HDAC9: variants seen among roughly 807,000 people sequenced by gnomAD.
HDAC9 encodes histone deacetylase 9.
A neutral mutation model predicts 139.4 loss-of-function variants in HDAC9; 41 were observed. That is an observed-to-expected ratio of 0.29 (90% CI 0.23 to 0.38). The LOEUF is 0.38. HDAC9 is among the 10% of genes least tolerant of loss of function. The pLI, the probability that HDAC9 is intolerant of heterozygous loss-of-function variation, is 1.00. For synonymous variants in HDAC9, 517 were observed against 476.2 expected (o/e 1.09, Z -1.12); for missense variants, 1,147 against 1,297.0 (o/e 0.88, Z 1.78).
intron 16 of HDAC9, among the ~76,000 whole-genome samples, chr7:18,790,620 C>T (rs975148509): frequency 3.3e-5 from 5 of 152,186 alleles, no homozygotes; most frequent in Non-Finnish European, 7.3e-5. Context: ...GAATTAAGTA[C>T]AATTACCTAT....
intron 21 of HDAC9, among the ~76,000 whole-genome samples, chr7:18,844,101 G>C (rs1796758950): frequency 6.6e-6 from 1 of 152,176 alleles, no homozygotes; most frequent in South Asian, 2.1e-4. Flanking sequence ...ATCAACATCT[G>C]TTTTCGTTTA....
intron 16 of HDAC9, among the ~76,000 whole-genome samples, chr7:18,790,427 T>G (rs56361837): frequency 0.82 from 123,846 of 151,682 alleles, 51,180 homozygotes; most frequent in Non-Finnish European, 0.85. Context: ...ATGTAGCAGA[T>G]GTGGCCATCT....
chr7:18,925,474 C>A (rs1220965704), intron 22 of HDAC9, among the ~76,000 whole-genome samples: 1 of 152,088 alleles, frequency 6.6e-6, no homozygotes, highest in Non-Finnish European at 1.5e-5. Flanking sequence ...CCTTCATTGC[C>A]AGCACAGTTC....
At chr7:18,728,481 T>C (rs867854123) in intron 13 of HDAC9, among the ~76,000 whole-genome samples, 34 of 152,066 alleles carry the variant, frequency 2.2e-4, no homozygotes, top group African/African-American at 7.2e-4. Flanking sequence ...GGAACAGTGC[T>C]GTACATATAT....
intron 6 of HDAC9, among the ~76,000 whole-genome samples, chr7:18,602,302 C>G (rs1834167067): frequency 6.6e-6 from 1 of 151,894 alleles, no homozygotes; most frequent in African/African-American, 2.4e-5. Context: ...GTTATGACCC[C>G]TCTTTCATTT....
intron 14 of HDAC9, among the ~76,000 whole-genome samples, chr7:18,754,538 T>C (rs1261497968): frequency 6.6e-6 from 1 of 152,174 alleles, no homozygotes; most frequent in Non-Finnish European, 1.5e-5. Flanking sequence ...GATTACACAT[T>C]ATGTGGAATT....
At chr7:18,896,921 G>A (rs1048517446) in intron 22 of HDAC9, among the ~76,000 whole-genome samples, 1 of 151,944 alleles carries the variant, frequency 6.6e-6, no homozygotes, top group Admixed American at 6.6e-5. Context: ...ATTTTCCACT[G>A]AGGAAAATTC....
At position 18,704,558 on chromosome 7, in the gene HDAC9, G is replaced by A. The variant is rs530122425; in HGVS notation, c.1732-23022G>A. Among the ~76,000 whole-genome samples the A allele has an allele frequency of 4.6e-5, 7 of 152,240 alleles. No homozygotes were observed. In the South Asian group the frequency reaches 1.5e-3, roughly 32 times the overall value. On this transcript the variant is annotated intron_variant, in intron 12 of 25. Transcript: ENST00000686413. ...AGTCACAAATGGACATTCTCAAATG[G>A]CATTCTCATCTACTTTGACCTTGAT...
intron 23 of HDAC9, chr7:18,949,579 T>G (rs1320124015): frequency 5.1e-6 from 1 of 195,104 alleles, no homozygotes; most frequent in African/African-American, 2.4e-5. Context: ...TTGCTTCTGC[T>G]TCAACGATGT....
intron 1 of HDAC9, among the ~76,000 whole-genome samples, chr7:18,131,290 A>C (rs1022027694): frequency 6.6e-6 from 1 of 152,158 alleles, no homozygotes; most frequent in East Asian, 1.9e-4. Flanking sequence ...TTCAGTGCCC[A>C]ATATTTGTTA....
At chr7:18,835,809 C>T (rs1585126081) in intron 20 of HDAC9, 91 bp from the exon 21 acceptor site, 3 of 998,810 alleles carry the variant, frequency 3.0e-6, no homozygotes, top group Non-Finnish European at 3.0e-6. Flanking sequence ...ATGTTTATTT[C>T]AAGAGCTCCC....
intron 1 of HDAC9, among the ~76,000 whole-genome samples, chr7:18,159,811 A>G (rs948152380): frequency 3.3e-5 from 5 of 152,232 alleles, no homozygotes; most frequent in African/African-American, 1.2e-4. Context: ...GTATTCAGAT[A>G]ACATTTTCAT....
At chr7:18,289,759 T>C (rs1352153523), upstream of HDAC9, among the ~76,000 whole-genome samples, 2 of 152,190 alleles carry the variant, frequency 1.3e-5, no homozygotes, top group Non-Finnish European at 2.9e-5. Flanking sequence ...AGCAAAATCA[T>C]TTTATTTCAT....
At chr7:18,155,756 C>A (rs577695620) in intron 1 of HDAC9, among the ~76,000 whole-genome samples, 10 of 152,272 alleles carry the variant, frequency 6.6e-5, no homozygotes, top group African/African-American at 2.4e-4. Context: ...GTGAAGTCAG[C>A]AAACCTTTGG....
chr7:18,274,881 CAG>C (rs1284316454), intron 2 of HDAC9, among the ~76,000 whole-genome samples: 1 of 152,200 alleles, frequency 6.6e-6, no homozygotes, highest in Non-Finnish European at 1.5e-5. Context: ...ATGATAAATT[CAG>C]AATTTCAGAA....
intron 2 of HDAC9, among the ~76,000 whole-genome samples, chr7:18,169,271 C>G (rs1788235766): frequency 6.6e-6 from 1 of 151,958 alleles, no homozygotes; most frequent in Admixed American, 6.6e-5. Context: ...AATAGAAGTA[C>G]TTGTTTTTCT....
chr7:18,626,515 T>C (rs555291986), intron 6 of HDAC9, among the ~76,000 whole-genome samples: 1 of 152,288 alleles, frequency 6.6e-6, no homozygotes, highest in African/African-American at 2.4e-5. Flanking sequence ...TATAAAGTAA[T>C]TCATCCAGGC....
intron 12 of HDAC9, among the ~76,000 whole-genome samples, chr7:18,698,656 A>G (rs954003380): frequency 1.3e-5 from 2 of 152,154 alleles, no homozygotes; most frequent in East Asian, 1.9e-4. Context: ...AGTTCCTGGC[A>G]TCTGTAAAGA....
Position 18,989,249 on chromosome 7 carries a change from G to C in HDAC9, c.3171-6774G>C, listed in dbSNP as rs1365413893. ...GCACTTCCTTCAGGAGCTCTTTTAG[G>C]GCAGGCCTGGTGGTGACAAAATCTC... On this transcript the variant is annotated intron_variant, in intron 25 of 25. Transcript: ENST00000686413. Among the ~76,000 whole-genome samples, 3 of 148,972 alleles carry C rather than the reference G, an allele frequency of 2.0e-5. No homozygotes were observed. In the East Asian group the frequency reaches 5.9e-4, roughly 29 times the overall value.
Sources: allele counts gnomAD v4.1 joint callset (sites outside exome capture counted in the v4.1 genomes callset), GRCh38; gene constraint gnomAD v4.1.1; transcripts MANE v1.5; gene names NCBI Gene and HGNC (gene_info 2026-07-23, HGNC 2026-07-21).